The following RRN3 variants were observed in gnomAD, a reference collection of about 807,000 sequenced individuals.
RRN3 encodes the protein RNA polymerase I transcription factor RRN3.
A neutral mutation model predicts 82.3 loss-of-function variants in RRN3; 38 were observed. The observed-to-expected ratio is 0.46, with a 90% CI of 0.36 to 0.61. The LOEUF is 0.61. Ranked by LOEUF, RRN3 falls within the 20% of genes least tolerant of loss-of-function variation. The probability of loss-of-function intolerance (pLI) is 0.00; values close to 1 mark genes in which losing one functional copy is unlikely to be tolerated. For missense variants in RRN3, 726 were observed against 793.1 expected, an observed-to-expected ratio of 0.92 and a Z score of 1.02; for synonymous variants, 284 against 284.3, an observed-to-expected ratio of 1.00 and a Z score of 0.01.
intron 3 of RRN3, among the ~76,000 whole-genome samples, chr16:15,088,453 G>A (rs1172799256): frequency 3.9e-5 from 6 of 152,110 alleles, no homozygotes; most frequent in East Asian, 3.9e-4. Context: ...GGGTGACAGA[G>A]CAAGACCCTG....
chr16:15,086,725 C>G (rs1213302381), intron 3 of RRN3, among the ~76,000 whole-genome samples: 2 of 152,134 alleles, frequency 1.3e-5, no homozygotes, highest in African/African-American at 4.8e-5. Context: ...CCTGAAAAAG[C>G]GAAATCACCT....
At chr16:15,074,547 C>CA (rs1430244535) in intron 11 of RRN3, 176 bp downstream of exon 11, 1 of 456,858 alleles carries the variant, frequency 2.2e-6, no homozygotes, top group African/African-American at 2.0e-5. Context: ...ATCCCAGTCC[C>CA]ATTTTCAAGC....
In RRN3 at chr16:15,086,424, A is replaced by T. The variant is rs1199553655; in HGVS notation, c.283T>A (p.Phe95Ile). The T allele has an allele frequency of 3.1e-6, 5 of 1,613,594 alleles. No homozygotes were observed. The South Asian group carries it at 5.5e-5, about 18-fold the overall frequency. ...GTCAAGTACATGATAGAAGAACGGA[A>T]TTCTAGCAGCCAGTTGATGATCTGG... ...DDQIINWLLE[F>I]RSSIMYLTKD... The change falls in exon 4 of 18, where the codon TTC becomes ATC. Residue 95 changes from phenylalanine (F) to isoleucine (I), a missense_variant. Physicochemically the swap from Phe to Ile is conservative, Grantham distance 21. This residue lies in a region of RRN3 where 344 missense variants were observed against 394.5 expected (regional missense o/e 0.87). Coordinates refer to ENST00000198767, the MANE Select transcript of RRN3 (RefSeq NM_018427.5).
chr16:15,087,311 C>T (rs942893165), intron 3 of RRN3, among the ~76,000 whole-genome samples: 17 of 152,124 alleles, frequency 1.1e-4, no homozygotes, highest in African/African-American at 4.1e-4. Flanking sequence ...TTCTTCTAAT[C>T]CTAAAAACTC....
intron 8 of RRN3, among the ~76,000 whole-genome samples, chr16:15,082,462 C>G (rs2045747797): frequency 6.6e-6 from 1 of 152,042 alleles, no homozygotes; most frequent in African/African-American, 2.4e-5. Context: ...CGCTTGAGGT[C>G]AGGAGTTCAA....
chr16:15,070,318 C>A (rs1158743900), intron 13 of RRN3, 64 bp from the exon 14 acceptor site: 1 of 1,574,096 alleles, frequency 6.4e-7, no homozygotes, highest in Non-Finnish European at 8.7e-7. Context: ...AACATAAAAA[C>A]ACACAACTGC....
At chr16:15,061,977 A>G in intron 17 of RRN3, 72 bp from the exon 18 acceptor site, 2 of 1,438,504 alleles carry the variant, frequency 1.4e-6, no homozygotes, top group Non-Finnish European at 1.9e-6. Flanking sequence ...TTCCTTCCTC[A>G]GGAAGGTGTT....
chr16:15,061,604 G>C lies in RRN3; in HGVS notation c.*140C>G. 1 of 664,874 alleles carries C rather than the reference G, an allele frequency of 1.5e-6. No individual in the cohort carries two copies. The highest frequency in any genetic ancestry group is 2.7e-5 in the South Asian group (1 of 36,848). 41.2% of individuals were successfully genotyped at this position (664,874 alleles called of 1,614,324 possible). A position where few individuals can be genotyped will look rare whatever the true frequency, so the allele number is the denominator to read the frequency against. ...CAGTCTTCAGATGCTTGATTCAGTC[G>C]AACCTGGAAGTGCCACAGCCGAGGC... On this transcript the variant is annotated 3_prime_UTR_variant, in exon 18 of 18. Transcript: ENST00000198767.
chr16:15,075,508 C>G (rs1597926578), intron 10 of RRN3, among the ~76,000 whole-genome samples: 1 of 150,880 alleles, frequency 6.6e-6, no homozygotes, highest in African/African-American at 2.4e-5. Flanking sequence ...GAGGTCGAGG[C>G]TGGAGTGGGC....
At position 15,074,814 on chromosome 16, in the gene RRN3, C is replaced by A; in HGVS notation, c.906G>T (p.Arg302=). 6.2e-7 allele frequency: 1 copy of A among 1,613,906 alleles called. No individual in the cohort carries two copies. The change falls in exon 11 of 18, where the codon CGG becomes CGT. Residue 302 remains arginine (R), a synonymous_variant. Coordinates refer to ENST00000198767, the MANE Select transcript of RRN3 (RefSeq NM_018427.5). ...TEHETKAGPE[R]LDQMVHPVAE... is the part of the protein sequence containing the mutation. ...CTACAGGATGCACCATCTGGTCGAG[C>A]CGTTCAGGACCAGCCTTTGTTTCAT... is the stretch of plus-strand genomic sequence containing the variant.
At chr16:15,090,831 GA>G (rs1598012458) in intron 3 of RRN3, among the ~76,000 whole-genome samples, 1 of 150,490 alleles carries the variant, frequency 6.6e-6, no homozygotes, top group Admixed American at 6.6e-5. Flanking sequence ...TTTACTACAT[GA>G]TAGGTGTATC....
At chr16:15,074,614 G>C (rs2045373907) in intron 11 of RRN3, 109 bp downstream of exon 11, 3 of 763,214 alleles carry the variant, frequency 3.9e-6, no homozygotes, top group Non-Finnish European at 6.0e-6. Flanking sequence ...ATACTCAATA[G>C]ATATTTTTAC....
At chr16:15,069,699 C>T (rs996723688) in intron 14 of RRN3, among the ~76,000 whole-genome samples, 1 of 152,172 alleles carries the variant, frequency 6.6e-6, no homozygotes, top group African/African-American at 2.4e-5. Flanking sequence ...GAATACCTGC[C>T]ATTTACTGGG....
intron 6 of RRN3, 25 bp downstream of exon 6, chr16:15,085,614 A>C (rs749330463): frequency 2.5e-6 from 4 of 1,607,450 alleles, no homozygotes; most frequent in Non-Finnish European, 3.4e-6. Context: ...TACTGTGCCC[A>C]GGCTTTAAAC....
At chr16:15,075,916 G>A (rs1282490099) in intron 10 of RRN3, among the ~76,000 whole-genome samples, 2 of 152,110 alleles carry the variant, frequency 1.3e-5, no homozygotes, top group African/African-American at 4.8e-5. Context: ...AAAGGAGCCA[G>A]GACCACCCTT....
chr16:15,083,272 G>A lies in RRN3; in HGVS notation c.666+241C>T, dbSNP rs113314003. On this transcript the variant is annotated intron_variant, in intron 8 of 17. Coordinates refer to ENST00000198767, the MANE Select transcript of RRN3 (RefSeq NM_018427.5). The stretch of plus-strand genomic sequence containing the variant: ...AAATTAGCTGGGCATGGTGGTAGGC[G>A]CCTGCAGTCCCAGCTAATGGGGAGG... Among the ~76,000 whole-genome samples, 1,318 of 152,220 alleles carry A rather than the reference G, an allele frequency of 8.7e-3. 6 individuals are homozygous for A. The highest frequency in any genetic ancestry group is 0.037 in the Middle Eastern group (11 of 294).
intron 9 of RRN3, among the ~76,000 whole-genome samples, chr16:15,079,434 G>A (rs1047390360): frequency 6.6e-6 from 1 of 152,114 alleles, no homozygotes; most frequent in Non-Finnish European, 1.5e-5. Context: ...AACTCATAAT[G>A]TATGTTTCAT....
At chr16:15,077,763 C>T (rs1013175345) in intron 9 of RRN3, among the ~76,000 whole-genome samples, 2 of 152,228 alleles carry the variant, frequency 1.3e-5, no homozygotes, top group Non-Finnish European at 2.9e-5. Flanking sequence ...ACTGCTTGAA[C>T]CCCGGAGGTG....
intron 1 of RRN3, among the ~76,000 whole-genome samples, chr16:15,093,600 C>T (rs1002721846): frequency 6.6e-6 from 1 of 152,258 alleles, no homozygotes; most frequent in South Asian, 2.1e-4. Flanking sequence ...ACAAGGTTTG[C>T]TTCACTTACA....
Sources: allele counts gnomAD v4.1 joint callset (sites outside exome capture counted in the v4.1 genomes callset), GRCh38; gene constraint gnomAD v4.1.1; regional missense constraint gnomAD v4.1.1; transcripts MANE v1.5; gene names NCBI Gene and HGNC (gene_info 2026-07-23, HGNC 2026-07-21).